Variants in SLC22A15 observed in about 807,000 individuals in gnomAD.
The protein encoded by SLC22A15 is solute carrier family 22 member 15.
Under a neutral mutation model 62.7 loss-of-function variants are expected in SLC22A15, and 45 were observed. The ratio of observed to expected loss-of-function variants is 0.72; its 90% CI spans 0.56 to 0.92. SLC22A15 has a LOEUF of 0.92. SLC22A15 is among the 40% of genes least tolerant of loss of function. SLC22A15 has a pLI of 0.00. For missense variants in SLC22A15, 622 were observed against 665.6 expected (o/e 0.93, Z 0.72); for synonymous variants, 264 against 267.0 (o/e 0.99, Z 0.11).
chr1:116,027,292 T>C, intron 5 of SLC22A15: 1 of 575,776 alleles, frequency 1.7e-6, no homozygotes, highest in Non-Finnish European at 3.4e-6. Context: ...AACCAATTGC[T>C]TTTTTAACCT....
intron 5 of SLC22A15, among the ~76,000 whole-genome samples, chr1:116,029,779 G>C (rs887915575): frequency 1.1e-4 from 17 of 152,136 alleles, no homozygotes; most frequent in Non-Finnish European, 1.2e-4. Context: ...GAGAGGCTAA[G>C]GGTAGGAGAA....
chr1:116,060,207 A>G (rs1252161736), intron 8 of SLC22A15, among the ~76,000 whole-genome samples: 4 of 152,220 alleles, frequency 2.6e-5, no homozygotes, highest in African/African-American at 9.6e-5. Flanking sequence ...TTTTCTCATA[A>G]CCAAAACTGT....
chr1:116,019,755 A>G (rs935666005), intron 3 of SLC22A15, 41 bp downstream of exon 3: 2 of 1,576,134 alleles, frequency 1.3e-6, no homozygotes, highest in Non-Finnish European at 1.7e-6. Flanking sequence ...GAGAGGGCTT[A>G]TTTCTCTAAG....
chr1:116,007,019 C>A (rs1409734713), intron 2 of SLC22A15, among the ~76,000 whole-genome samples: 1 of 152,124 alleles, frequency 6.6e-6, no homozygotes, highest in Non-Finnish European at 1.5e-5. Flanking sequence ...ATGTTATTAT[C>A]CACCTTGATT....
chr1:116,035,106 A>G, intron 6 of SLC22A15, 81 bp from the exon 7 acceptor site: 1 of 1,422,858 alleles, frequency 7.0e-7, no homozygotes, highest in Non-Finnish European at 9.5e-7. Context: ...CAATATTTGA[A>G]TCTCCTCTGG....
At chr1:116,022,527 G>A (rs1173852713) in intron 4 of SLC22A15, among the ~76,000 whole-genome samples, 1 of 152,112 alleles carries the variant, frequency 6.6e-6, no homozygotes, top group Non-Finnish European at 1.5e-5. Flanking sequence ...TTTAGTCGTT[G>A]CATGAAGATG....
At chr1:116,045,196 A>G (rs768256123) in intron 8 of SLC22A15, among the ~76,000 whole-genome samples, 4 of 151,660 alleles carry the variant, frequency 2.6e-5, no homozygotes, top group Non-Finnish European at 4.4e-5. Flanking sequence ...GGCGCCCACC[A>G]TCATGCCCAG....
rs750460582 is a variant in SLC22A15, at chr1:116,020,754, A to G, written c.467A>G (p.Asn156Ser). ...CTTGACATCTTATTTGCAATTGCAA[A>G]TGGATTTTCCCCCTCATATGAGTTC... Reference protein sequence around the residue: ...FALDILFAIANGFSPSYEFFA... With the variant: ...FALDILFAIASGFSPSYEFFA... The change falls in exon 4 of 12, where the codon AAT (asparagine) becomes AGT (serine). Residue 156 changes from asparagine (N) to serine (S), a missense_variant. Transcript: ENST00000369503. 6.2e-7 allele frequency: 1 copy of G among 1,612,678 alleles called. No homozygotes were observed. The highest frequency in any genetic ancestry group is 8.5e-7 in the Non-Finnish European group (1 of 1,179,236).
At chr1:116,032,388 C>T (rs977413135) in intron 6 of SLC22A15, 3 of 985,366 alleles carry the variant, frequency 3.0e-6, no homozygotes, top group African/African-American at 1.7e-5. Context: ...ATCATACCTA[C>T]TAGCCTAAAG....
rs1359846983 is a variant in SLC22A15 at position 116,031,460 on chromosome 1, C to T, written c.823C>T (p.Leu275Phe). 1.2e-6 allele frequency: 2 copies of T among 1,613,992 alleles called. No homozygotes were observed. Among genetic ancestry groups the T allele is most frequent in the Admixed American group, 3.3e-5 (2 of 60,022 alleles). The change falls in exon 6 of 12, where the codon CTC (leucine) becomes TTC (phenylalanine). Residue 275 changes from leucine to phenylalanine, a missense_variant. By Grantham distance (22) the Leu-to-Phe change is conservative. Transcript: ENST00000369503. ...LYLIAKRNRKLKCTFSLTHPA... is the reference protein window; with the variant it reads ...LYLIAKRNRKFKCTFSLTHPA... ...CCTCATTGCCAAGAGGAACCGCAAA[C>T]TCAAGTGCACGTTCTCACTAACACA...
chr1:116,027,069 A>G (rs763885097), intron 5 of SLC22A15, 47 bp downstream of exon 5: 4 of 1,575,004 alleles, frequency 2.5e-6, no homozygotes, highest in East Asian at 2.2e-5. Context: ...AGCCAAAGCA[A>G]TGTCTTAAGA....
rs751248552 is a variant in SLC22A15, at chr1:116,026,905, G to A, written c.611G>A (p.Gly204Asp). Residue 204 changes from glycine to aspartate, a missense_variant, in exon 5 of 12, where the codon GGC becomes GAC. Gly to Asp is a moderately conservative substitution (Grantham distance 94, BLOSUM62 -1). Coordinates refer to ENST00000369503, the MANE Select transcript of SLC22A15 (RefSeq NM_018420.3). ...TTCCCTGAATTAGGATCGATTGGCGGCCTGTTCTTTGCAGTTGGCATTGCC... is the reference window on the plus strand; with the variant it reads ...TTCCCTGAATTAGGATCGATTGGCGACCTGTTCTTTGCAGTTGGCATTGCC... ...AYWALAGSIG[G>D]LFFAVGIAQY... 1 of 1,613,220 alleles carries A rather than the reference G, an allele frequency of 6.2e-7. No homozygotes were observed. Among genetic ancestry groups the A allele is most frequent in the Non-Finnish European group, 8.5e-7 (1 of 1,179,804 alleles).
intron 8 of SLC22A15, among the ~76,000 whole-genome samples, chr1:116,048,157 T>G (rs993662205): frequency 3.9e-5 from 6 of 152,274 alleles, no homozygotes; most frequent in East Asian, 1.9e-4. Context: ...GGAAAACATA[T>G]TTGGGGGATT....
At chr1:116,012,784 C>T (rs933201773) in intron 2 of SLC22A15, among the ~76,000 whole-genome samples, 2 of 152,120 alleles carry the variant, frequency 1.3e-5, no homozygotes, top group Non-Finnish European at 2.9e-5. Flanking sequence ...TATGATGGTG[C>T]AAAAGTGAAA....
chr1:115,992,235 G>T lies in SLC22A15; in HGVS notation c.292G>T (p.Ala98Ser), dbSNP rs777793150. 5.1e-6 allele frequency: 8 copies of T among 1,578,838 alleles called. No individual in the cohort carries two copies. The highest frequency in any genetic ancestry group is 6.9e-6 in the Non-Finnish European group (8 of 1,161,850). ...TTTCAGCAGCAGCTTCACCTCCATCGCCTCGGAGGTAACAACAGGCTGTTT... is the reference window on the plus strand; with the variant it reads ...TTTCAGCAGCAGCTTCACCTCCATCTCCTCGGAGGTAACAACAGGCTGTTT... ...VHFSSSFTSIASEWFLIANRS... is the reference protein window; with the variant it reads ...VHFSSSFTSISSEWFLIANRS... The change falls in exon 2 of 12, where the codon GCC (alanine) becomes TCC (serine). Residue 98 changes from alanine (A) to serine (S), a missense_variant. Ala to Ser is a moderately conservative substitution (Grantham distance 99). Transcript: ENST00000369503.
intron 1 of SLC22A15, among the ~76,000 whole-genome samples, chr1:115,991,138 A>G (rs1371849047): frequency 6.6e-6 from 1 of 152,230 alleles, no homozygotes; most frequent in Non-Finnish European, 1.5e-5. Flanking sequence ...TGTTTTCTTA[A>G]TAAATGTTAA....
intron 10 of SLC22A15, among the ~76,000 whole-genome samples, chr1:116,065,759 T>C (rs1255517705): frequency 6.6e-6 from 1 of 152,104 alleles, no homozygotes; most frequent in African/African-American, 2.4e-5. Flanking sequence ...ACCCACGAAA[T>C]TTGGAAGCCT....
rs1553223951 is a variant in SLC22A15, at chr1:116,033,583, G to GTGTGTGTGTGTA, written c.945-1599_945-1598insGTGTGTATGTGT. Among the ~76,000 whole-genome samples, 256 of 145,728 alleles carry GTGTGTGTGTGTA rather than the reference G, an allele frequency of 1.8e-3. 1 individual carries two copies. Among genetic ancestry groups the GTGTGTGTGTGTA allele is most frequent in the Middle Eastern group, 0.014 (4 of 282 alleles). On this transcript the variant is annotated intron_variant, in intron 6 of 11. Transcript: ENST00000369503. ...TGTGTGTGTGTGTGTGTGTGTGTGT[G>GTGTGTGTGTGTA]TGTGTATGTGTGTGTGTGTGGCTGG... is the stretch of plus-strand genomic sequence containing the variant.
intron 8 of SLC22A15, among the ~76,000 whole-genome samples, chr1:116,049,127 GAT>G (rs1657994751): frequency 6.6e-6 from 1 of 152,144 alleles, no homozygotes; most frequent in Non-Finnish European, 1.5e-5. Context: ...TAGGAAATGA[GAT>G]AGACAGCAAC....
Sources: allele counts gnomAD v4.1 joint callset (sites outside exome capture counted in the v4.1 genomes callset), GRCh38; gene constraint gnomAD v4.1.1; transcripts MANE v1.5; gene names NCBI Gene and HGNC (gene_info 2026-07-23, HGNC 2026-07-21).